The following COBL variants were observed in gnomAD, a reference collection of about 807,000 sequenced individuals.
COBL encodes cordon-bleu WH2 repeat protein.
In COBL, 51 loss-of-function variants were observed where a neutral mutation model predicts 98.8. The ratio of observed to expected loss-of-function variants is 0.52; its 90% CI spans 0.41 to 0.65. The LOEUF is 0.65. COBL is among the 30% of genes least tolerant of loss of function. The probability of loss-of-function intolerance (pLI) is 0.00; values close to 1 mark genes in which losing one functional copy is unlikely to be tolerated. For missense variants in COBL, 1,617 were observed against 1,617.5 expected, an observed-to-expected ratio of 1.00 and a Z score of 0.01; for synonymous variants, 634 against 651.7, an observed-to-expected ratio of 0.97 and a Z score of 0.41.
chr7:51,146,849 G>A (rs971137451), intron 5 of COBL, among the ~76,000 whole-genome samples: 3 of 152,164 alleles, frequency 2.0e-5, no homozygotes, highest in African/African-American at 7.2e-5. Flanking sequence ...GAAAACCCAA[G>A]ACCTACAAAA....
intron 6 of COBL, among the ~76,000 whole-genome samples, chr7:51,104,538 T>C (rs1796084546): frequency 6.6e-6 from 1 of 152,178 alleles, no homozygotes; most frequent in Non-Finnish European, 1.5e-5. Context: ...CCTGCCTCCC[T>C]TGTTTACTGT....
intron 7 of COBL, among the ~76,000 whole-genome samples, chr7:51,062,795 G>C (rs1283028989): frequency 6.6e-6 from 1 of 152,232 alleles, no homozygotes; most frequent in African/African-American, 2.4e-5. Flanking sequence ...GCGTCTGCAG[G>C]GGGTGGCATG....
At chr7:51,097,588 A>G (rs2128957818) in intron 6 of COBL, among the ~76,000 whole-genome samples, 1 of 152,362 alleles carries the variant, frequency 6.6e-6, no homozygotes, top group South Asian at 2.1e-4. Context: ...ACTAATACAT[A>G]CATTCAGCAA....
Position 51,140,789 on chromosome 7 carries a change from C to T in COBL, c.784-4458G>A, listed in dbSNP as rs147504461. Among the ~76,000 whole-genome samples the T allele has an allele frequency of 7.0e-3, 1,070 of 152,260 alleles. 30 individuals carry two copies. The highest frequency in any genetic ancestry group is 4.0e-3 in the Non-Finnish European group (272 of 68,020). On this transcript the variant is annotated intron_variant, in intron 5 of 12. Transcript: ENST00000265136. ...GGGTGTTCCTGGAATACTTTCAGGG[C>T]TCACAGGTACCGCAGAGAACACGTT...
chr7:51,065,214 G>C (rs772025140), intron 7 of COBL: 1 of 703,388 alleles, frequency 1.4e-6, no homozygotes, highest in African/African-American at 1.7e-5. Context: ...GTGTGTGTGC[G>C]TGTGTGTGTC....
At chr7:51,226,443 G>C (rs1794189273) in intron 1 of COBL, among the ~76,000 whole-genome samples, 1 of 152,122 alleles carries the variant, frequency 6.6e-6, no homozygotes, top group Non-Finnish European at 1.5e-5. Flanking sequence ...TCTACCAAGG[G>C]AAGAGGAACC....
At chr7:51,122,036 T>C (rs1304537655) in intron 6 of COBL, among the ~76,000 whole-genome samples, 1 of 152,222 alleles carries the variant, frequency 6.6e-6, no homozygotes, top group Non-Finnish European at 1.5e-5. Context: ...TCCATGTTGC[T>C]AAACTGTCAA....
intron 1 of COBL, among the ~76,000 whole-genome samples, chr7:51,228,385 C>A (rs142295470): frequency 1.4e-5 from 2 of 142,158 alleles, no homozygotes; most frequent in African/African-American, 5.0e-5. Context: ...ATTATTAGCA[C>A]GCTTACTCTT....
chr7:51,238,266 G>C (rs1017283662), intron 1 of COBL, among the ~76,000 whole-genome samples: 1 of 152,214 alleles, frequency 6.6e-6, no homozygotes, highest in Non-Finnish European at 1.5e-5. Flanking sequence ...GAGTACCTTA[G>C]AGAACAACAG....
chr7:51,213,274 G>A (rs568014811), intron 2 of COBL, among the ~76,000 whole-genome samples: 9 of 152,322 alleles, frequency 5.9e-5, no homozygotes, highest in East Asian at 1.9e-4. Flanking sequence ...AAGCCAGGTC[G>A]CACAGCAGGT....
intron 5 of COBL, among the ~76,000 whole-genome samples, chr7:51,143,434 T>C (rs923201079): frequency 6.6e-6 from 1 of 152,238 alleles, no homozygotes; most frequent in African/African-American, 2.4e-5. Flanking sequence ...TTTTCTATAC[T>C]TCATCAAGAG....
intron 6 of COBL, among the ~76,000 whole-genome samples, chr7:51,118,600 C>T (rs1797483084): frequency 6.6e-6 from 1 of 151,042 alleles, no homozygotes; most frequent in African/African-American, 2.4e-5. Context: ...GAGAAGGGCT[C>T]ATACAAGGAT....
At chr7:51,313,086 A>C in intron 1 of COBL, among the ~76,000 whole-genome samples, 1 of 152,242 alleles carries the variant, frequency 6.6e-6, no homozygotes, top group Non-Finnish European at 1.5e-5. Context: ...CAGAAGTAAT[A>C]TCTTTTAAAA....
At chr7:51,185,851 A>C (rs545374742) in intron 4 of COBL, among the ~76,000 whole-genome samples, 1 of 152,352 alleles carries the variant, frequency 6.6e-6, no homozygotes, top group Admixed American at 6.5e-5. Context: ...GTGAACACTG[A>C]TAGCGTCCAC....
chr7:51,136,854 T>C (rs1799284267), intron 5 of COBL, among the ~76,000 whole-genome samples: 1 of 152,230 alleles, frequency 6.6e-6, no homozygotes, highest in Non-Finnish European at 1.5e-5. Context: ...ATAAGCAGTA[T>C]GCTGTGAAGA....
chr7:51,145,078 G>A (rs764930323), intron 5 of COBL, among the ~76,000 whole-genome samples: 11 of 151,994 alleles, frequency 7.2e-5, no homozygotes, highest in Admixed American at 7.2e-4. Flanking sequence ...GCAGTGGTGC[G>A]ATCTCAGCTT....
chr7:51,154,972 T>C (rs1785973730), intron 5 of COBL, among the ~76,000 whole-genome samples: 1 of 152,236 alleles, frequency 6.6e-6, no homozygotes. Flanking sequence ...TCTAAGTTCC[T>C]ACTCTTGTTT....
chr7:51,305,807 G>A (rs1312883953), intron 1 of COBL, among the ~76,000 whole-genome samples: 1 of 152,142 alleles, frequency 6.6e-6, no homozygotes, highest in Non-Finnish European at 1.5e-5. Context: ...GGCCAAGGCG[G>A]TGGATCACTT....
At chr7:51,197,680 A>G (rs1459288885) in intron 2 of COBL, among the ~76,000 whole-genome samples, 1 of 152,220 alleles carries the variant, frequency 6.6e-6, no homozygotes, top group African/African-American at 2.4e-5. Flanking sequence ...AAACTGCTTT[A>G]TGAGTCAGAG....
Sources: allele counts gnomAD v4.1 joint callset (sites outside exome capture counted in the v4.1 genomes callset), GRCh38; gene constraint gnomAD v4.1.1; transcripts MANE v1.5; gene names NCBI Gene and HGNC (gene_info 2026-07-23, HGNC 2026-07-21).